PRKCB: variants seen among roughly 807,000 people sequenced by gnomAD.
PRKCB encodes the protein protein kinase C beta type.
Under a neutral mutation model 81.5 loss-of-function variants are expected in PRKCB, and 13 were observed. The ratio of observed to expected loss-of-function variants is 0.16; its 90% CI spans 0.10 to 0.25. The LOEUF (loss-of-function observed/expected upper bound fraction) is 0.25. Ranked by LOEUF, PRKCB falls within the 10% of genes least tolerant of loss-of-function variation. The pLI, the probability that PRKCB is intolerant of heterozygous loss-of-function variation, is 1.00. For synonymous variants in PRKCB, 335 were observed against 321.4 expected, an observed-to-expected ratio of 1.04 and a Z score of -0.45; for missense variants, 509 against 875.7, an observed-to-expected ratio of 0.58 and a Z score of 5.29.
chr16:24,143,649 A>T (rs1294109720), intron 9 of PRKCB, among the ~76,000 whole-genome samples: 2 of 152,150 alleles, frequency 1.3e-5, no homozygotes. Context: ...TCCCTCCCCA[A>T]GTTGACCTCA....
chr16:24,019,392 C>T (rs907979285), intron 3 of PRKCB, among the ~76,000 whole-genome samples: 4 of 152,090 alleles, frequency 2.6e-5, no homozygotes, highest in Non-Finnish European at 2.9e-5. Flanking sequence ...TATTGCACCT[C>T]GCTTTCTCAC....
chr16:24,137,539 G>T (rs1271447948), intron 9 of PRKCB, among the ~76,000 whole-genome samples: 3 of 152,118 alleles, frequency 2.0e-5, no homozygotes, highest in African/African-American at 7.2e-5. Context: ...ATATCGCAAA[G>T]ATAAATCAAG....
intron 4 of PRKCB, 81 bp from the exon 5 acceptor site, chr16:24,035,338 C>T (rs1965600491): frequency 6.5e-7 from 1 of 1,531,796 alleles, no homozygotes; most frequent in Non-Finnish European, 8.8e-7. Flanking sequence ...AGGAAGGGCT[C>T]AGCGGTCTTG....
chr16:24,181,083 A>G (rs943505854), intron 13 of PRKCB, among the ~76,000 whole-genome samples, 155 bp downstream of exon 13: 6 of 152,354 alleles, frequency 3.9e-5, no homozygotes, highest in Admixed American at 6.5e-5. Flanking sequence ...TTGAGATCAC[A>G]CATGCAAATT....
intron 2 of PRKCB, among the ~76,000 whole-genome samples, chr16:23,943,506 G>A (rs932761503): frequency 6.6e-6 from 1 of 152,146 alleles, no homozygotes; most frequent in African/African-American, 2.4e-5. Flanking sequence ...TTCAGCCTGG[G>A]TGATAGAGTG....
intron 2 of PRKCB, among the ~76,000 whole-genome samples, chr16:23,966,124 G>A (rs551871800): frequency 6.6e-5 from 10 of 152,296 alleles, no homozygotes; most frequent in Admixed American, 3.9e-4. Flanking sequence ...GAACGTCTGC[G>A]CAAAGTGGCT....
At chr16:23,954,029 C>T (rs956899541) in intron 2 of PRKCB, among the ~76,000 whole-genome samples, 11 of 151,934 alleles carry the variant, frequency 7.2e-5, no homozygotes, top group Non-Finnish European at 1.3e-4. Context: ...CCACCATGCC[C>T]GGCTAATTTT....
intron 16 of PRKCB, among the ~76,000 whole-genome samples, chr16:24,200,510 A>G (rs1446609947): frequency 1.3e-5 from 2 of 152,190 alleles, no homozygotes; most frequent in East Asian, 3.8e-4. Flanking sequence ...TTGTGTTGCT[A>G]TGACTGAATA....
At chr16:24,044,376 A>G (rs563509126) in intron 5 of PRKCB, among the ~76,000 whole-genome samples, 1 of 152,154 alleles carries the variant, frequency 6.6e-6, no homozygotes, top group African/African-American at 2.4e-5. Flanking sequence ...AAAAGAAAAG[A>G]AAAGACTGAA....
chr16:24,021,209 T>C lies in PRKCB; in HGVS notation c.289-10927T>C, dbSNP rs1283213320. Among the ~76,000 whole-genome samples, 56 of 23,710 alleles carry C rather than the reference T, an allele frequency of 2.4e-3. 7 individuals carry two copies. Among genetic ancestry groups the C allele is most frequent in the South Asian group, 8.1e-3 (2 of 248 alleles). 15.6% of individuals were successfully genotyped at this position (23,710 alleles called of 152,430 possible). On this transcript the variant is annotated intron_variant, in intron 3 of 16. Coordinates refer to ENST00000643927, the MANE Select transcript of PRKCB (RefSeq NM_002738.7). Reference sequence around the variant, plus strand: ...CTTCCTCTTTCTTTCTTTCTTTCTTTCTTTCTTTCTTTCTTTCTTTCTTTC... The same window carrying C: ...CTTCCTCTTTCTTTCTTTCTTTCTTCCTTTCTTTCTTTCTTTCTTTCTTTC...
At chr16:24,050,127 T>G (rs1965822800) in intron 5 of PRKCB, among the ~76,000 whole-genome samples, 1 of 152,208 alleles carries the variant, frequency 6.6e-6, no homozygotes, top group African/African-American at 2.4e-5. Flanking sequence ...TACAGGTATG[T>G]TGACAGCCTT....
chr16:23,996,981 C>T (rs928810340), intron 3 of PRKCB, among the ~76,000 whole-genome samples: 6 of 152,086 alleles, frequency 3.9e-5, no homozygotes, highest in African/African-American at 1.2e-4. Context: ...GGGAGTGGTA[C>T]CACTCATTAT....
At chr16:23,916,495 G>T (rs577872548) in intron 2 of PRKCB, among the ~76,000 whole-genome samples, 3 of 152,086 alleles carry the variant, frequency 2.0e-5, no homozygotes, top group Non-Finnish European at 4.4e-5. Flanking sequence ...AGGCACAAGA[G>T]CTTTAATACT....
chr16:23,957,006 A>G (rs1056256573), intron 2 of PRKCB, among the ~76,000 whole-genome samples: 1 of 133,214 alleles, frequency 7.5e-6, no homozygotes, highest in Non-Finnish European at 1.7e-5. Context: ...AAAAAAAAAA[A>G]GAATATTAGA....
At chr16:23,840,843 A>G (rs998599757) in intron 2 of PRKCB, among the ~76,000 whole-genome samples, 4 of 152,140 alleles carry the variant, frequency 2.6e-5, no homozygotes, top group African/African-American at 9.7e-5. Context: ...TTGCTTTCGT[A>G]TGATGATAGG....
At chr16:24,058,090 T>A (rs1242372143) in intron 5 of PRKCB, among the ~76,000 whole-genome samples, 1 of 152,180 alleles carries the variant, frequency 6.6e-6, no homozygotes, top group Non-Finnish European at 1.5e-5. Context: ...ATATTTTTCC[T>A]TCCTTCTTGC....
At chr16:23,846,830 AG>A (rs1181934207) in intron 2 of PRKCB, among the ~76,000 whole-genome samples, 1 of 152,038 alleles carries the variant, frequency 6.6e-6, no homozygotes, top group Non-Finnish European at 1.5e-5. Flanking sequence ...GAAGGTTGAG[AG>A]GAACAGCAAG....
In PRKCB at chr16:24,215,092, A is replaced by T; in HGVS notation, c.*276A>T. On this transcript the variant is annotated 3_prime_UTR_variant, in exon 17 of 17. Transcript: ENST00000643927. ...TTTCCGCAGCATGTCAGCTAAGTAGACCCAATGGGGAGAGAAAATGCCTGC... is the reference window on the plus strand; with the variant it reads ...TTTCCGCAGCATGTCAGCTAAGTAGTCCCAATGGGGAGAGAAAATGCCTGC... 1 of 1,160,594 alleles carries T rather than the reference A, an allele frequency of 8.6e-7. No individual in the cohort carries two copies. The highest frequency in any genetic ancestry group is 2.5e-5 in the South Asian group (1 of 39,374). 71.9% of individuals were successfully genotyped at this position (1,160,594 alleles called of 1,614,324 possible). A position where few individuals can be genotyped will look rare whatever the true frequency, so the allele number is the denominator to read the frequency against.
intron 2 of PRKCB, among the ~76,000 whole-genome samples, chr16:23,927,477 G>A (rs563557204): frequency 8.3e-4 from 126 of 152,016 alleles, no homozygotes; most frequent in African/African-American, 2.9e-3. Context: ...AGAGTACAGA[G>A]CCTTTTCTTT....
Sources: allele counts gnomAD v4.1 joint callset (sites outside exome capture counted in the v4.1 genomes callset), GRCh38; gene constraint gnomAD v4.1.1; transcripts MANE v1.5; gene names NCBI Gene and HGNC (gene_info 2026-07-23, HGNC 2026-07-21).